CA9: variants seen among roughly 807,000 people sequenced by gnomAD.
CA9 encodes CA-IX.
Under a neutral mutation model 51.8 loss-of-function variants are expected in CA9, and 43 were observed. The ratio of observed to expected loss-of-function variants is 0.83; its 90% CI spans 0.65 to 1.07. The LOEUF is 1.07. Among genes scored for constraint, CA9 ranks in the 50% least tolerant of loss-of-function variants. The pLI, the probability that CA9 is intolerant of heterozygous loss-of-function variation, is 0.00. For synonymous variants in CA9, 253 were observed against 244.2 expected, an observed-to-expected ratio of 1.04 and a Z score of -0.34; for missense variants, 574 against 581.4, an observed-to-expected ratio of 0.99 and a Z score of 0.13.
chr9:35,677,759 C>G (rs1824452988), intron 5 of CA9, 31 bp from the exon 6 acceptor site: 1 of 1,577,192 alleles, frequency 6.3e-7, no homozygotes, highest in Admixed American at 1.7e-5. Flanking sequence ...TGGATACATG[C>G]ACTCATCTGT....
rs1563923589 is a variant in CA9 at position 35,679,874 on chromosome 9, C to T, written c.1086C>T (p.Thr362=). The stretch of plus-strand genomic sequence containing the variant: ...CCTAGCTCCACACCCTCTCTGACAC[C>T]CTGTGGGGACCTGGTGACTCTCGGC... ...SAKQLHTLSD[T]LWGPGDSRLQ... The change falls in exon 8 of 11, where the codon ACC becomes ACT. Residue 362 remains threonine, a synonymous_variant. Transcript: ENST00000378357. 1 of 1,611,468 alleles carries T rather than the reference C, an allele frequency of 6.2e-7. No individual in the cohort carries two copies. Among genetic ancestry groups the T allele is most frequent in the Middle Eastern group, 1.7e-4 (1 of 5,998 alleles).
chr9:35,674,019 C>T lies in CA9; in HGVS notation c.60C>T (p.Gly20=), dbSNP rs756235525. The T allele has an allele frequency of 1.9e-6, 3 of 1,613,978 alleles. No individual in the cohort carries two copies. The South Asian group carries it at 3.3e-5, about 18-fold the overall frequency. The change falls in exon 1 of 11, where the codon GGC becomes GGT. Residue 20 remains glycine, a synonymous_variant. Coordinates refer to ENST00000378357, the MANE Select transcript of CA9 (RefSeq NM_001216.3). ...LPLLIPAPAP[G]LTVQLLLSLL... is the part of the protein sequence containing the mutation. ...TGTTGATCCCGGCCCCTGCTCCAGGCCTCACTGTGCAACTGCTGCTGTCAC... is the reference window on the plus strand; with the variant it reads ...TGTTGATCCCGGCCCCTGCTCCAGGTCTCACTGTGCAACTGCTGCTGTCAC...
At chr9:35,677,702 A>C (rs1824451879) in intron 5 of CA9, 88 bp from the exon 6 acceptor site, 21 of 944,492 alleles carry the variant, frequency 2.2e-5, no homozygotes, top group Non-Finnish European at 3.5e-5. Context: ...GGAATGGGAG[A>C]GGTCTATGGG....
At chr9:35,679,670 A>G (rs1324575446) in intron 7 of CA9, among the ~76,000 whole-genome samples, 184 bp from the exon 8 acceptor site, 1 of 152,226 alleles carries the variant, frequency 6.6e-6, no homozygotes, top group Non-Finnish European at 1.5e-5. Flanking sequence ...GCAGTGAGCT[A>G]TGATCCCACC....
rs1432186393 is a variant in CA9 at position 35,680,097 on chromosome 9, T to C, written c.1211-16T>C. The C allele has an allele frequency of 6.2e-7, 1 of 1,613,996 alleles. No homozygotes were observed. On this transcript the variant is annotated splice_polypyrimidine_tract_variant and intron_variant, in intron 8 of 10. Coordinates refer to ENST00000378357, the MANE Select transcript of CA9 (RefSeq NM_001216.3). ...GTGGTCACAGCCCGCCTCTCACATCTCCTTTTTCTCTCCAGTCCAGCTGAA... is the reference window on the plus strand; with the variant it reads ...GTGGTCACAGCCCGCCTCTCACATCCCCTTTTTCTCTCCAGTCCAGCTGAA...
Position 35,676,341 on chromosome 9 carries a change from G to A in CA9, c.792G>A (p.Glu264=), listed in dbSNP as rs1298596165. The A allele has an allele frequency of 6.2e-7, 1 of 1,614,088 alleles. No individual in the cohort carries two copies. The highest frequency in any genetic ancestry group is 2.2e-5 in the East Asian group (1 of 44,880). ...GCACCGCCTTTGCCAGAGTTGACGAGGCCTTGGGGCGCCCGGGAGGCCTGG... is the reference window on the plus strand; with the variant it reads ...GCACCGCCTTTGCCAGAGTTGACGAAGCCTTGGGGCGCCCGGGAGGCCTGG... ...HLSTAFARVD[E]ALGRPGGLAV... Residue 264 remains glutamate (E), a synonymous_variant, in exon 5 of 11, where the codon GAG becomes GAA. Transcript: ENST00000378357.
intron 10 of CA9, 41 bp downstream of exon 10, chr9:35,680,875 C>A: frequency 6.2e-7 from 1 of 1,609,966 alleles, no homozygotes; most frequent in East Asian, 2.2e-5. Flanking sequence ...GCTTCCCCCA[C>A]CCTTGTGGAG....
chr9:35,681,113 CCTTTT>C lies in CA9; in HGVS notation c.*89_*93del, dbSNP rs1824544179. 6 of 964,532 alleles carry C rather than the reference CCTTTT, an allele frequency of 6.2e-6. No individual in the cohort carries two copies. Among genetic ancestry groups the C allele is most frequent in the Non-Finnish European group, 6.0e-6 (4 of 668,522 alleles). The allele number at this position is 964,532 out of a possible 1,614,324, so 59.7% of individuals were successfully genotyped here. A position where few individuals can be genotyped will look rare whatever the true frequency, so the allele number is the denominator to read the frequency against. ...TCCTGTCCTGCTCATTATGCCACTT[CCTTTT>C]AACTGCCAAGAAATTTTTTAAAATA... On this transcript the variant is annotated 3_prime_UTR_variant, in exon 11 of 11. Coordinates refer to ENST00000378357, the MANE Select transcript of CA9 (RefSeq NM_001216.3).
Position 35,676,356 on chromosome 9 carries a change from G to A in CA9, c.807G>A (p.Pro269=). 1 of 1,613,900 alleles carries A rather than the reference G, an allele frequency of 6.2e-7. No homozygotes were observed. The change falls in exon 5 of 11, where the codon CCG becomes CCA. Residue 269 remains proline (P), a synonymous_variant. Coordinates refer to ENST00000378357, the MANE Select transcript of CA9 (RefSeq NM_001216.3). ...FARVDEALGR[P]GGLAVLAAFL... ...GAGTTGACGAGGCCTTGGGGCGCCC[G>A]GGAGGCCTGGCCGTGTTGGCCGCCT...
In CA9 at chr9:35,675,568, G is replaced by A; in HGVS notation, c.433+1G>A. 2 of 1,614,084 alleles carry A rather than the reference G, an allele frequency of 1.2e-6. No individual in the cohort carries two copies. The highest frequency in any genetic ancestry group is 8.5e-7 in the Non-Finnish European group (1 of 1,179,988). ...GACCAGAGTCATTGGCGCTATGGAG[G>A]TGAGACACCCACCCGCTGCACAGAC... On this transcript the variant is annotated splice_donor_variant, in intron 2 of 10. Transcript: ENST00000378357. LOFTEE classifies it high-confidence loss of function.
chr9:35,679,810 T>C, intron 7 of CA9, 44 bp from the exon 8 acceptor site: 2 of 1,533,092 alleles, frequency 1.3e-6, no homozygotes, highest in Non-Finnish European at 1.8e-6. Context: ...CCTTGTTTCC[T>C]GTCATGCCAT....
rs746857543 is a variant in CA9, at chr9:35,677,847, G to T, written c.898G>T (p.Ala300Ser). Residue 300 changes from alanine to serine, a missense_variant, in exon 6 of 11, where the codon GCT (alanine) becomes TCT (serine). Transcript: ENST00000378357. ...EQLLSRLEEI[A>S]EEGSETQVPG... ...GTTGCTGTCTCGCTTGGAAGAAATC[G>T]CTGAGGAAGGTCAGTTTGTTGGTCT... is the stretch of plus-strand genomic sequence containing the variant. 8 of 1,613,948 alleles carry T rather than the reference G, an allele frequency of 5.0e-6. No homozygotes were observed. The highest frequency in any genetic ancestry group is 5.9e-6 in the Non-Finnish European group (7 of 1,179,834).
intron 5 of CA9, among the ~76,000 whole-genome samples, 175 bp from the exon 6 acceptor site, chr9:35,677,615 T>TA (rs975843030): frequency 9.7e-4 from 140 of 144,426 alleles, no homozygotes; most frequent in South Asian, 2.0e-3. Flanking sequence ...ACACTGTCTC[T>TA]AAAAAAAAAA....
chr9:35,675,245 T>C, intron 1 of CA9: 1 of 466,828 alleles, frequency 2.1e-6, no homozygotes, highest in Non-Finnish European at 3.9e-6. Flanking sequence ...CCAACCACCC[T>C]GGCCTCCCAA....
intron 3 of CA9, 29 bp from the exon 4 acceptor site, chr9:35,676,035 G>A (rs1449209147): frequency 1.2e-6 from 2 of 1,610,682 alleles, no homozygotes; most frequent in Non-Finnish European, 1.7e-6. Context: ...TACCGGGCGG[G>A]GCCGGCTCAC....
intron 5 of CA9, among the ~76,000 whole-genome samples, chr9:35,677,350 T>C (rs1274398359): frequency 6.6e-6 from 1 of 152,098 alleles, no homozygotes; most frequent in Non-Finnish European, 1.5e-5. Context: ...CACAGAATCA[T>C]GAAGGTGAAT....
At chr9:35,679,491 G>C in intron 7 of CA9, 149 bp downstream of exon 7, 2 of 1,055,098 alleles carry the variant, frequency 1.9e-6, no homozygotes, top group Non-Finnish European at 2.7e-6. Context: ...TGGGAGAATG[G>C]TTTGAGCCCA....
intron 7 of CA9, 97 bp from the exon 8 acceptor site, chr9:35,679,757 G>C (rs1278933252): frequency 8.5e-7 from 1 of 1,169,910 alleles, no homozygotes; most frequent in South Asian, 1.6e-5. Context: ...ACAGGAGCTG[G>C]AGGGTGGAGC....
At chr9:35,675,668 C>A (rs1824401574) in intron 2 of CA9, 93 bp from the exon 3 acceptor site, 2 of 1,391,160 alleles carry the variant, frequency 1.4e-6, no homozygotes, top group South Asian at 1.2e-5. Flanking sequence ...TCCCACCCGC[C>A]GCCCACCGTC....
Sources: gnomAD v4.1 joint callset for allele counts (sites outside exome capture counted in the v4.1 genomes callset) on GRCh38, gnomAD v4.1.1 for gene constraint, MANE v1.5 for transcripts, NCBI Gene and HGNC (gene_info 2026-07-23, HGNC 2026-07-21) for gene names.